Variants in DRC2 observed in about 807,000 individuals in gnomAD.
DRC2 encodes the protein dynein regulatory complex subunit 2, also known as coiled-coil domain containing 65.
At chr12:48,918,670 ACT>A in the DRC2 span, 1 of 1,611,292 alleles carries the variant, frequency 6.2e-7, no homozygotes, top group Non-Finnish European at 8.5e-7. Context: ...CCCCTAATCT[ACT>A]CTGTTCCTCT....
the DRC2 span, chr12:48,918,715 A>G: frequency 5.0e-6 from 8 of 1,613,944 alleles, no homozygotes; most frequent in East Asian, 1.1e-4. Flanking sequence ...AGGCAAGATC[A>G]TGATACACAG....
chr12:48,921,246 CAT>C, the DRC2 span: 1 of 1,614,208 alleles, frequency 6.2e-7, no homozygotes, highest in African/African-American at 1.3e-5. Flanking sequence ...GAGCCTCCAA[CAT>C]AGACGAGCCC....
chr12:48,904,149 G>C, the DRC2 span: 105 of 679,014 alleles, frequency 1.5e-4, no homozygotes, highest in African/African-American at 1.6e-3. Flanking sequence ...GTCTTACAGT[G>C]GGAGAGCTCA....
At chr12:48,911,743 G>T in the DRC2 span, among the ~76,000 whole-genome samples, 4 of 152,054 alleles carry the variant, frequency 2.6e-5, no homozygotes, top group Non-Finnish European at 5.9e-5. Context: ...GGGATTACAG[G>T]TGTGAGCCAC....
chr12:48,905,354 A>C, the DRC2 span, among the ~76,000 whole-genome samples: 1 of 152,220 alleles, frequency 6.6e-6, no homozygotes, highest in East Asian at 1.9e-4. Flanking sequence ...TAGTAGAGTC[A>C]TAAGGCACAG....
chr12:48,907,332 C>T, the DRC2 span, among the ~76,000 whole-genome samples: 1 of 152,182 alleles, frequency 6.6e-6, no homozygotes, highest in Non-Finnish European at 1.5e-5. Flanking sequence ...TGTTCAAGGT[C>T]ATCGCCAAGA....
the DRC2 span, among the ~76,000 whole-genome samples, chr12:48,908,111 T>C: frequency 6.6e-6 from 1 of 152,162 alleles, no homozygotes; most frequent in Non-Finnish European, 1.5e-5. Context: ...TTTTAAATTA[T>C]TTTAATTTTT....
chr12:48,912,437 CAA>C, the DRC2 span, among the ~76,000 whole-genome samples: 10 of 45,362 alleles, frequency 2.2e-4, no homozygotes, highest in East Asian at 7.3e-4. Context: ...GACGCCGTCT[CAA>C]AAAAAAAAAA....
At chr12:48,908,194 A>G in the DRC2 span, among the ~76,000 whole-genome samples, 1 of 152,148 alleles carries the variant, frequency 6.6e-6, no homozygotes, top group Non-Finnish European at 1.5e-5. Context: ...CTGGGACCAC[A>G]GGAGCATACC....
At chr12:48,915,128 T>C in the DRC2 span, among the ~76,000 whole-genome samples, 1 of 150,674 alleles carries the variant, frequency 6.6e-6, no homozygotes, top group Non-Finnish European at 1.5e-5. Flanking sequence ...TTTTTTTTTT[T>C]TTATTGATCA....
chr12:48,904,494 G>A, the DRC2 span: 1 of 1,608,364 alleles, frequency 6.2e-7, no homozygotes, highest in South Asian at 1.1e-5. Context: ...ATTATGTCCT[G>A]CTCAACCCCA....
chr12:48,918,900 T>A, the DRC2 span: 1 of 1,609,666 alleles, frequency 6.2e-7, no homozygotes, highest in Non-Finnish European at 8.5e-7. Flanking sequence ...AGATTGTTGA[T>A]AAGGTAACAC....
At chr12:48,915,051 CT>C in the DRC2 span, among the ~76,000 whole-genome samples, 6,307 of 148,880 alleles carry the variant, frequency 0.042, 199 homozygotes, top group Non-Finnish European at 0.062. Flanking sequence ...TTTTAAATAA[CT>C]TTTTTTTCTT....
chr12:48,914,572 AG>A, the DRC2 span: 2 of 1,613,636 alleles, frequency 1.2e-6, no homozygotes, highest in Admixed American at 3.3e-5. Flanking sequence ...TGAGACAGAA[AG>A]GTATGGGGGC....
chr12:48,920,441 T>TTAAAAAAAAAAAAAAAAA, the DRC2 span, among the ~76,000 whole-genome samples: 1 of 67,816 alleles, frequency 1.5e-5, no homozygotes, highest in Non-Finnish European at 2.6e-5. Flanking sequence ...AACTCCATCT[T>TTAAAAAAAAAAAAAAAAA]AAAAAAAAAA....
the DRC2 span, chr12:48,918,740 A>T: frequency 6.2e-7 from 1 of 1,614,142 alleles, no homozygotes; most frequent in Non-Finnish European, 8.5e-7. Context: ...GAGAGTGAAG[A>T]TGAGAACCGG....
At chr12:48,915,568 C>T in the DRC2 span, among the ~76,000 whole-genome samples, 1 of 152,050 alleles carries the variant, frequency 6.6e-6, no homozygotes, top group Non-Finnish European at 1.5e-5. Context: ...ACCTTTCCCC[C>T]CTTTCTATTC....
chr12:48,915,839 C>T, the DRC2 span, among the ~76,000 whole-genome samples: 11 of 151,966 alleles, frequency 7.2e-5, no homozygotes, highest in East Asian at 1.6e-3. Context: ...CCTCACTTCT[C>T]AGACGGGGCA....
chr12:48,907,140 G>C, the DRC2 span, among the ~76,000 whole-genome samples: 1 of 152,046 alleles, frequency 6.6e-6, no homozygotes, highest in East Asian at 1.9e-4. Flanking sequence ...GCGTGAACCC[G>C]GGAGGTGGAG....
Sources: gnomAD v4.1 joint callset for allele counts (sites outside exome capture counted in the v4.1 genomes callset) on GRCh38, gnomAD v4.1.1 for gene constraint, MANE v1.5 for transcripts, NCBI Gene and HGNC (gene_info 2026-07-23, HGNC 2026-07-21) for gene names.